Variants in RARB observed in about 807,000 individuals in gnomAD.
RARB encodes the protein HBV-activated protein.
In RARB, 17 loss-of-function variants were observed where a neutral mutation model predicts 51.9. That is an observed-to-expected ratio of 0.33 (90% CI 0.22 to 0.49). The LOEUF is 0.49. RARB is among the 20% of genes least tolerant of loss of function. The pLI is 0.99. For synonymous variants in RARB, 215 were observed against 195.4 expected (o/e 1.10, Z -0.84); for missense variants, 369 against 550.8 (o/e 0.67, Z 3.30).
At chr3:25,341,967 C>T (rs1386134889) in intron 5 of RARB, among the ~76,000 whole-genome samples, 1 of 152,204 alleles carries the variant, frequency 6.6e-6, no homozygotes. Context: ...TTGTATCTGT[C>T]TCTTCCACTA....
rs115356873 is a variant in RARB at position 25,442,840 on chromosome 3, A to G, written c.157+13952A>G. 5.8e-3 allele frequency among the ~76,000 whole-genome samples: 878 copies of G among 152,308 alleles called. 11 individuals carry two copies. Among genetic ancestry groups the G allele is most frequent in the African/African-American group, 0.019 (809 of 41,560 alleles). Reference sequence around the variant, plus strand: ...GGCGGGAATTACATTCCCTGTAGCAATCAAATCATGGAGACATACGATGTC... The same window carrying G: ...GGCGGGAATTACATTCCCTGTAGCAGTCAAATCATGGAGACATACGATGTC... On this transcript the variant is annotated intron_variant, in intron 1 of 7. Coordinates refer to ENST00000330688, the MANE Select transcript of RARB (RefSeq NM_000965.5).
chr3:25,388,653 C>A (rs1266273113), intron 5 of RARB, among the ~76,000 whole-genome samples: 2 of 152,128 alleles, frequency 1.3e-5, no homozygotes, highest in African/African-American at 4.8e-5. Context: ...GTATTTGATA[C>A]AGAATTTTTT....
intron 3 of RARB, among the ~76,000 whole-genome samples, chr3:25,087,211 C>T (rs80093810): frequency 6.6e-6 from 1 of 152,112 alleles, no homozygotes. Context: ...TATATTGAGG[C>T]CTGTCTGACC....
chr3:25,304,896 G>A (rs1337910256), intron 5 of RARB, among the ~76,000 whole-genome samples: 2 of 152,136 alleles, frequency 1.3e-5, no homozygotes, highest in Admixed American at 6.5e-5. Context: ...TACTCCAGTG[G>A]TATTTTTATT....
At chr3:25,022,093 T>G (rs1034286416) in intron 2 of RARB, among the ~76,000 whole-genome samples, 3 of 152,134 alleles carry the variant, frequency 2.0e-5, no homozygotes, top group Non-Finnish European at 4.4e-5. Context: ...AGAACAAGTT[T>G]TTATTACTGC....
At chr3:25,541,371 C>G (rs1699374114) in intron 3 of RARB, among the ~76,000 whole-genome samples, 1 of 152,114 alleles carries the variant, frequency 6.6e-6, no homozygotes, top group African/African-American at 2.4e-5. Flanking sequence ...TTTTTTCTGT[C>G]TTTCGTTCTG....
chr3:24,843,220 A>T (rs973275855), intron 1 of RARB, among the ~76,000 whole-genome samples: 3 of 152,228 alleles, frequency 2.0e-5, no homozygotes, highest in African/African-American at 7.2e-5. Flanking sequence ...TCAAGGGGCT[A>T]TGTGACGGCA....
At chr3:25,392,932 A>G (rs987543401) in intron 5 of RARB, among the ~76,000 whole-genome samples, 1 of 152,126 alleles carries the variant, frequency 6.6e-6, no homozygotes, top group Non-Finnish European at 1.5e-5. Flanking sequence ...TATGTTGAAT[A>G]CAAGTGGTGA....
At chr3:25,136,399 C>T (rs1700032292) in intron 4 of RARB, among the ~76,000 whole-genome samples, 2 of 151,916 alleles carry the variant, frequency 1.3e-5, no homozygotes, top group African/African-American at 4.8e-5. Flanking sequence ...GTGATGATAC[C>T]TCTTTTAATG....
At chr3:25,453,222 TG>T in intron 1 of RARB, among the ~76,000 whole-genome samples, 1 of 150,242 alleles carries the variant, frequency 6.7e-6, no homozygotes, top group East Asian at 2.0e-4. Flanking sequence ...TCTGCATTTC[TG>T]GGGTGGGGCC....
intron 1 of RARB, among the ~76,000 whole-genome samples, chr3:25,438,657 A>C (rs1258199809): frequency 6.6e-6 from 1 of 152,150 alleles, no homozygotes; most frequent in East Asian, 1.9e-4. Flanking sequence ...GTCCCATGAA[A>C]GGCTTTTCTC....
intron 3 of RARB, among the ~76,000 whole-genome samples, chr3:25,088,690 A>G (rs9310770): frequency 0.89 from 135,139 of 152,156 alleles, 60,355 homozygotes; most frequent in African/African-American, 0.98. Flanking sequence ...ATTCATTGTG[A>G]GGCATTTCTG....
intron 2 of RARB, among the ~76,000 whole-genome samples, chr3:24,860,371 A>G (rs1702727798): frequency 6.6e-6 from 1 of 152,194 alleles, no homozygotes; most frequent in South Asian, 2.1e-4. Context: ...GCCAGTTAAC[A>G]GGACATGAGA....
intron 3 of RARB, among the ~76,000 whole-genome samples, chr3:25,525,677 G>C (rs1698614901): frequency 6.6e-6 from 1 of 152,154 alleles, no homozygotes; most frequent in Admixed American, 6.5e-5. Flanking sequence ...CAGATAATAA[G>C]CAATTTTACA....
chr3:25,392,997 C>T lies in RARB; in HGVS notation c.179-68196C>T, dbSNP rs147962373. Among the ~76,000 whole-genome samples, 311 of 152,074 alleles carry T rather than the reference C, an allele frequency of 2.0e-3. 2 individuals carry two copies. Among genetic ancestry groups the T allele is most frequent in the African/African-American group, 7.3e-3 (302 of 41,502 alleles). The stretch of plus-strand genomic sequence containing the variant: ...TCAAGTGGAATGACTTCAGATTTTC[C>T]CCATACAGTATAATGTTGGCTGTGG... On this transcript the variant is annotated intron_variant, in intron 5 of 11. Coordinates refer to the RARB transcript ENST00000383772.
At chr3:25,256,940 A>C (rs1444999977) in intron 5 of RARB, among the ~76,000 whole-genome samples, 1 of 152,088 alleles carries the variant, frequency 6.6e-6, no homozygotes, top group Admixed American at 6.6e-5. Context: ...CTTGGAAGAG[A>C]ACATTAGCTT....
chr3:25,057,941 A>T (rs1698471369), intron 2 of RARB, among the ~76,000 whole-genome samples: 1 of 152,008 alleles, frequency 6.6e-6, no homozygotes, highest in South Asian at 2.1e-4. Context: ...ATACTTCTGA[A>T]CAATTATCAT....
chr3:25,187,405 C>A (rs1701004221), intron 5 of RARB, among the ~76,000 whole-genome samples: 3 of 151,994 alleles, frequency 2.0e-5, no homozygotes, highest in African/African-American at 7.2e-5. Context: ...TGAGTAGACA[C>A]AGCAGAAAGG....
chr3:25,056,724 AC>A (rs1698449792), intron 2 of RARB, among the ~76,000 whole-genome samples: 1 of 152,110 alleles, frequency 6.6e-6, no homozygotes, highest in Non-Finnish European at 1.5e-5. Flanking sequence ...AGATAATTCA[AC>A]CCTTATTTTG....
Sources: allele counts gnomAD v4.1 joint callset (sites outside exome capture counted in the v4.1 genomes callset), GRCh38; gene constraint gnomAD v4.1.1; transcripts MANE v1.5; gene names NCBI Gene and HGNC (gene_info 2026-07-23, HGNC 2026-07-21).